CLIP2: variants seen among roughly 807,000 people sequenced by gnomAD.
CLIP2 encodes CAP-Gly domain-containing linker protein 2.
Under a neutral mutation model 111.7 loss-of-function variants are expected in CLIP2, and 41 were observed. The observed-to-expected ratio is 0.37, with a 90% CI of 0.29 to 0.48. The LOEUF (loss-of-function observed/expected upper bound fraction) is 0.48, where lower values mean the gene tolerates loss of function less well. Among genes scored for constraint, CLIP2 ranks in the 20% least tolerant of loss-of-function variants. The pLI, the probability that CLIP2 is intolerant of heterozygous loss-of-function variation, is 0.99. For missense variants in CLIP2, 1,160 were observed against 1,422.1 expected (o/e 0.82, Z 2.96); for synonymous variants, 660 against 644.2 (o/e 1.02, Z -0.37).
At chr7:74,389,467 A>G in intron 13 of CLIP2, 1 of 490,944 alleles carries the variant, frequency 2.0e-6, no homozygotes, top group Non-Finnish European at 3.5e-6. Flanking sequence ...GCTTATAGAA[A>G]AGAGTAGGGC....
At chr7:74,373,118 A>T in intron 9 of CLIP2, 82 bp downstream of exon 9, 6 of 755,646 alleles carry the variant, frequency 7.9e-6, no homozygotes, top group East Asian at 2.9e-5. Flanking sequence ...TTCATTATTG[A>T]CTCTCTTTCT....
At chr7:74,360,658 C>T (rs889794738) in intron 7 of CLIP2, among the ~76,000 whole-genome samples, 6 of 152,132 alleles carry the variant, frequency 3.9e-5, no homozygotes, top group Admixed American at 6.5e-5. Flanking sequence ...TCAAGTGCTC[C>T]TCCCACCTCA....
At position 74,375,801 on chromosome 7, in the gene CLIP2, C is replaced by T; in HGVS notation, c.1486-86C>T. 5.9e-6 allele frequency: 7 copies of T among 1,186,200 alleles called. 1 individual carries two copies. Among genetic ancestry groups the T allele is most frequent in the South Asian group, 1.6e-5 (1 of 61,756 alleles). 73.5% of individuals were successfully genotyped at this position (1,186,200 alleles called of 1,614,324 possible). A position where few individuals can be genotyped will look rare whatever the true frequency, so the allele number is the denominator to read the frequency against. ...GGGCTGGTGCCCTCGAATGGACGCC[C>T]CCTACCCGGCCCCCACCATTGTGCC... On this transcript the variant is annotated intron_variant, in intron 9 of 16. Transcript: ENST00000223398.
At position 74,364,453 on chromosome 7, in the gene CLIP2, A is replaced by C. The variant is rs1213617649; in HGVS notation, c.1380+138A>C. ...TGGGGGGGAAAATGGGGAAGGATCA[A>C]AGGTCTGATGTCTGAGGTGTTAGTG... is the stretch of plus-strand genomic sequence containing the variant. On this transcript the variant is annotated intron_variant, in intron 8 of 16. Transcript: ENST00000223398. The C allele has an allele frequency of 5.6e-6, 4 of 717,524 alleles. No individual in the cohort carries two copies. In the African/African-American group the frequency reaches 7.1e-5, roughly 13 times the overall value. The allele number at this position is 717,524 out of a possible 1,614,324, so 44.4% of individuals were successfully genotyped here.
At chr7:74,294,903 G>C (rs1204723101) in intron 1 of CLIP2, among the ~76,000 whole-genome samples, 1 of 152,168 alleles carries the variant, frequency 6.6e-6, no homozygotes, top group Non-Finnish European at 1.5e-5. Flanking sequence ...GCTGGGCTCT[G>C]GTGTGGTGGG....
At chr7:74,326,993 C>T (rs918729190) in intron 2 of CLIP2, among the ~76,000 whole-genome samples, 4 of 151,946 alleles carry the variant, frequency 2.6e-5, no homozygotes, top group Admixed American at 2.0e-4. Context: ...TGCAGCGGCA[C>T]GATCTCAGCT....
At position 74,338,629 on chromosome 7, in the gene CLIP2, G is replaced by T. The variant is rs1554732630; in HGVS notation, c.303G>T (p.Thr101=). 1.3e-6 allele frequency: 2 copies of T among 1,564,092 alleles called. No homozygotes were observed. The highest frequency in any genetic ancestry group is 1.4e-5 in the African/African-American group (1 of 73,674). The change falls in exon 3 of 17, where the codon ACG becomes ACT. Residue 101 remains threonine (T), a synonymous_variant. Coordinates refer to ENST00000223398, the MANE Select transcript of CLIP2 (RefSeq NM_003388.5). The surrounding 1 kb of genome is among the most constrained non-coding windows in gnomAD (Gnocchi z 4.3). ...GCGTGGTGCAGTATCTGGGAGAGAC[G>T]CAGTTCGCACCGGGCCAGTGGGCTG... ...KPGVVQYLGE[T]QFAPGQWAGV...
chr7:74,370,584 C>G (rs1406329545), intron 8 of CLIP2, among the ~76,000 whole-genome samples: 1 of 149,942 alleles, frequency 6.7e-6, no homozygotes, highest in Non-Finnish European at 1.5e-5. Flanking sequence ...AGAAGACCCC[C>G]AGGGCCCAAC....
intron 4 of CLIP2, 56 bp downstream of exon 4, chr7:74,354,060 C>T (rs558049319): frequency 1.3e-5 from 21 of 1,557,064 alleles, no homozygotes; most frequent in East Asian, 6.8e-5. Flanking sequence ...CCAGGGTGGG[C>T]GCAGGGGATG....
intron 8 of CLIP2, among the ~76,000 whole-genome samples, chr7:74,366,770 G>A (rs782560446): frequency 2.6e-5 from 4 of 151,884 alleles, no homozygotes; most frequent in African/African-American, 9.7e-5. Flanking sequence ...CAGCTACTCC[G>A]GAGGCTGAGG....
At chr7:74,381,800 T>C (rs2116670551) in intron 11 of CLIP2, among the ~76,000 whole-genome samples, 1 of 152,336 alleles carries the variant, frequency 6.6e-6, no homozygotes, top group Admixed American at 6.5e-5. Flanking sequence ...TTTAGCTGGT[T>C]TCCGATAACA....
At chr7:74,310,002 C>T (rs1396245405) in intron 1 of CLIP2, among the ~76,000 whole-genome samples, 2 of 112,632 alleles carry the variant, frequency 1.8e-5, no homozygotes, top group Non-Finnish European at 3.6e-5. Context: ...GAGTTCAAGA[C>T]CAGCTTGGGC....
intron 10 of CLIP2, among the ~76,000 whole-genome samples, chr7:74,379,400 A>G (rs781935517): frequency 3.9e-5 from 6 of 151,994 alleles, no homozygotes; most frequent in African/African-American, 9.7e-5. Flanking sequence ...ATATGTCCCC[A>G]TGTTCAGAGG....
rs782788165 is a variant in CLIP2 at position 74,349,454 on chromosome 7, A to ATGTG, written c.679-4412_679-4409dup. The stretch of plus-strand genomic sequence containing the variant: ...CAAAAAAAAAAAAAAAAAAGTATGT[A>ATGTG]TGTGTGTGTGTGTGTGTATATATAT... On this transcript the variant is annotated intron_variant, in intron 3 of 16. Coordinates refer to ENST00000223398, the MANE Select transcript of CLIP2 (RefSeq NM_003388.5). Among the ~76,000 whole-genome samples, 57 of 60,094 alleles carry ATGTG rather than the reference A, an allele frequency of 9.5e-4. 1 individual carries two copies. The highest frequency in any genetic ancestry group is 2.2e-3 in the African/African-American group (39 of 17,882). The allele number at this position is 60,094 out of a possible 152,430, so 39.4% of individuals were successfully genotyped here.
intron 3 of CLIP2, among the ~76,000 whole-genome samples, chr7:74,347,139 C>T (rs1789818710): frequency 6.6e-6 from 1 of 151,856 alleles, no homozygotes. Context: ...GACTGTTCCC[C>T]TTGCCTGGTG....
chr7:74,369,567 TA>T (rs1304604239), intron 8 of CLIP2, among the ~76,000 whole-genome samples: 40 of 150,132 alleles, frequency 2.7e-4, no homozygotes, highest in African/African-American at 9.6e-4. Flanking sequence ...TAAAAATTTT[TA>T]AAATATGGCT....
Position 74,306,221 on chromosome 7 carries a change from G to A in CLIP2, c.-67-11259G>A, listed in dbSNP as rs555481675. On this transcript the variant is annotated intron_variant, in intron 1 of 16. Coordinates refer to ENST00000223398, the MANE Select transcript of CLIP2 (RefSeq NM_003388.5). ...TGTGCCTGGTGCCCTAGGGCTTGTGGCATGTGGGCAGGGGCTGTGCTGAGC... is the reference window on the plus strand; with the variant it reads ...TGTGCCTGGTGCCCTAGGGCTTGTGACATGTGGGCAGGGGCTGTGCTGAGC... Among the ~76,000 whole-genome samples, 103 of 152,196 alleles carry A rather than the reference G, an allele frequency of 6.8e-4. 2 individuals carry two copies. In the South Asian group the frequency reaches 0.018, roughly 26 times the overall value.
At chr7:74,355,644 C>T (rs782496633) in intron 4 of CLIP2, among the ~76,000 whole-genome samples, 2 of 152,152 alleles carry the variant, frequency 1.3e-5, no homozygotes, top group Admixed American at 6.6e-5. Flanking sequence ...GCCCAGTTCT[C>T]GTGGTCCAGT....
intron 10 of CLIP2, 142 bp from the exon 11 acceptor site, chr7:74,380,664 C>T (rs949976690): frequency 1.7e-5 from 11 of 637,198 alleles, no homozygotes; most frequent in African/African-American, 5.4e-5. Context: ...TCCCTGCCAC[C>T]GCAGCAAGTC....
Sources: allele counts gnomAD v4.1 joint callset (sites outside exome capture counted in the v4.1 genomes callset), GRCh38; gene constraint gnomAD v4.1.1; non-coding constraint Gnocchi (gnomAD v3.1); transcripts MANE v1.5; gene names NCBI Gene and HGNC (gene_info 2026-07-23, HGNC 2026-07-21).